The following STPG2 variants were observed in gnomAD, a reference collection of about 807,000 sequenced individuals.
The protein encoded by STPG2 is sperm-tail PG-rich repeat-containing protein 2.
Under a neutral mutation model 54.2 loss-of-function variants are expected in STPG2, and 56 were observed. The ratio of observed to expected loss-of-function variants is 1.03; its 90% CI spans 0.83 to 1.29. The LOEUF (loss-of-function observed/expected upper bound fraction) is 1.29. Among genes scored for constraint, STPG2 ranks in the 50% most tolerant of loss-of-function variants. The pLI is 0.00. For missense variants in STPG2, 596 were observed against 544.9 expected (o/e 1.09, Z -0.93); for synonymous variants, 200 against 181.8 (o/e 1.10, Z -0.81).
intron 5 of STPG2, among the ~76,000 whole-genome samples, chr4:98,058,408 A>G (rs568304296): frequency 1.8e-3 from 272 of 152,322 alleles, no homozygotes; most frequent in African/African-American, 6.2e-3. Context: ...AGGGGTTGCA[A>G]TCCTAATTTC....
At chr4:98,106,164 T>C in intron 4 of STPG2, 100 bp from the exon 5 acceptor site, 2 of 844,496 alleles carry the variant, frequency 2.4e-6, no homozygotes, top group Non-Finnish European at 3.4e-6. Flanking sequence ...GTCCTGCAAT[T>C]AAACTATGGA....
chr4:97,938,879 C>A (rs930949041), intron 8 of STPG2, among the ~76,000 whole-genome samples: 1 of 151,914 alleles, frequency 6.6e-6, no homozygotes, highest in Non-Finnish European at 1.5e-5. Flanking sequence ...GAGCCTCTGA[C>A]CACCACTGCT....
intron 9 of STPG2, among the ~76,000 whole-genome samples, chr4:97,742,518 ACT>A (rs1491296632): frequency 4.9e-5 from 6 of 121,620 alleles, no homozygotes; most frequent in African/African-American, 1.9e-4. Context: ...GAATGAATAA[ACT>A]GTGTGTGTGT....
intron 4 of STPG2, among the ~76,000 whole-genome samples, chr4:97,518,476 T>C (rs1298325141): frequency 6.6e-6 from 1 of 152,106 alleles, no homozygotes; most frequent in African/African-American, 2.4e-5. Flanking sequence ...TAAAACCCTA[T>C]GACTTACTGG....
chr4:97,583,614 G>C (rs2148892611), intron 10 of STPG2, among the ~76,000 whole-genome samples: 1 of 151,690 alleles, frequency 6.6e-6, no homozygotes, highest in South Asian at 2.1e-4. Flanking sequence ...GAAAAAGACA[G>C]GAAACACTGT....
intron 4 of STPG2, among the ~76,000 whole-genome samples, chr4:97,516,861 T>C (rs1053986268): frequency 7.9e-5 from 12 of 151,434 alleles, no homozygotes; most frequent in African/African-American, 2.7e-4. Flanking sequence ...TATATATATA[T>C]ATATGGTCTG....
At chr4:97,816,047 C>G (rs926719439) in intron 9 of STPG2, among the ~76,000 whole-genome samples, 3 of 152,096 alleles carry the variant, frequency 2.0e-5, no homozygotes, top group African/African-American at 7.2e-5. Flanking sequence ...CATCCCCCAA[C>G]AGGCCTCAGT....
chr4:97,542,245 T>C (rs1731728319), intron 4 of STPG2, among the ~76,000 whole-genome samples: 1 of 152,250 alleles, frequency 6.6e-6, no homozygotes, highest in East Asian at 1.9e-4. Context: ...ATATCCAGAA[T>C]CTACAAAGAA....
At chr4:97,853,762 A>G (rs1407655351) in intron 8 of STPG2, among the ~76,000 whole-genome samples, 3 of 152,162 alleles carry the variant, frequency 2.0e-5, no homozygotes, top group Non-Finnish European at 2.9e-5. Context: ...TATAAACAAA[A>G]TGCTACGGAA....
intron 4 of STPG2, among the ~76,000 whole-genome samples, chr4:97,516,709 T>C (rs1731082849): frequency 6.6e-6 from 1 of 151,510 alleles, no homozygotes; most frequent in South Asian, 2.1e-4. Context: ...ACACCTGTAA[T>C]CTCAGTTACT....
chr4:98,132,651 A>G (rs1396676385), intron 2 of STPG2, among the ~76,000 whole-genome samples: 1 of 152,028 alleles, frequency 6.6e-6, no homozygotes, highest in African/African-American at 2.4e-5. Flanking sequence ...GAAGCACTTT[A>G]CAATTAATTT....
chr4:97,939,457 GA>G, intron 8 of STPG2, among the ~76,000 whole-genome samples: 2 of 152,300 alleles, frequency 1.3e-5, no homozygotes, highest in South Asian at 4.1e-4. Context: ...AGGTCTCTAA[GA>G]ATGTGCTTTA....
In STPG2 at chr4:97,785,943, G is replaced by T. The variant is rs145092986; in HGVS notation, c.1204+54830C>A. ...GAAAGGAGCTACTCAACTTAGTGTC[G>T]GTGAGAGTTGCTACCATAGCTGTGG... On this transcript the variant is annotated intron_variant, in intron 9 of 10. Transcript: ENST00000295268. 4.4e-3 allele frequency among the ~76,000 whole-genome samples: 663 copies of T among 152,072 alleles called. 3 individuals carry two copies. The highest frequency in any genetic ancestry group is 0.024 in the South Asian group (115 of 4,820).
chr4:98,105,820 C>A, intron 5 of STPG2, 133 bp downstream of exon 5: 2 of 741,732 alleles, frequency 2.7e-6, no homozygotes, highest in Non-Finnish European at 4.0e-6. Flanking sequence ...ATAAATACTT[C>A]CTTCTACAAT....
intron 9 of STPG2, among the ~76,000 whole-genome samples, chr4:97,826,297 G>A (rs1338455489): frequency 3.9e-5 from 6 of 152,182 alleles, no homozygotes; most frequent in African/African-American, 4.8e-5. Context: ...ATGGGAATGT[G>A]AATTTCTTGT....
At chr4:97,936,738 G>A (rs1445044155) in intron 8 of STPG2, among the ~76,000 whole-genome samples, 3 of 152,172 alleles carry the variant, frequency 2.0e-5, no homozygotes, top group African/African-American at 7.2e-5. Context: ...TGTTTCTGCT[G>A]AGAGCTTCAC....
chr4:97,831,822 A>G (rs931064171), intron 9 of STPG2, among the ~76,000 whole-genome samples: 4 of 152,232 alleles, frequency 2.6e-5, no homozygotes, highest in African/African-American at 9.6e-5. Context: ...TAAACCAGGA[A>G]GAAGTTGAAT....
At chr4:97,581,824 G>A (rs975914440) in intron 10 of STPG2, among the ~76,000 whole-genome samples, 2 of 151,774 alleles carry the variant, frequency 1.3e-5, no homozygotes, top group African/African-American at 2.4e-5. Context: ...AGGATCTAAA[G>A]TTCCAAAGAA....
intron 10 of STPG2, among the ~76,000 whole-genome samples, chr4:97,602,408 A>C (rs934736998): frequency 1.3e-5 from 2 of 151,638 alleles, no homozygotes; most frequent in Non-Finnish European, 3.0e-5. Flanking sequence ...CTCCACACAC[A>C]CTTATTTTCC....
Sources: allele counts gnomAD v4.1 joint callset (sites outside exome capture counted in the v4.1 genomes callset), GRCh38; gene constraint gnomAD v4.1.1; transcripts MANE v1.5; gene names NCBI Gene and HGNC (gene_info 2026-07-23, HGNC 2026-07-21).